The following TENM4 variants were observed in gnomAD, a reference collection of about 807,000 sequenced individuals.
TENM4 encodes the protein teneurin-4.
A neutral mutation model predicts 243.3 loss-of-function variants in TENM4; 82 were observed. The ratio of observed to expected loss-of-function variants is 0.34; its 90% confidence interval spans 0.28 to 0.40. TENM4 has a LOEUF of 0.40. Ranked by LOEUF, TENM4 falls within the 10% of genes least tolerant of loss-of-function variation. The pLI is 1.00. For synonymous variants in TENM4, 1,412 were observed against 1,456.3 expected (o/e 0.97, Z 0.69); for missense variants, 3,138 against 3,673.3 (o/e 0.85, Z 3.77).
intron 6 of TENM4, among the ~76,000 whole-genome samples, chr11:79,062,519 A>C (rs1860128914): frequency 6.6e-6 from 1 of 152,234 alleles, no homozygotes; most frequent in Non-Finnish European, 1.5e-5. Context: ...ATTAGCATGC[A>C]CATTAACATC....
In TENM4 at chr11:78,669,649, T is replaced by G. The variant is rs1565323442; in HGVS notation, c.6696A>C (p.Ala2232=). 1.2e-6 allele frequency: 2 copies of G among 1,613,984 alleles called. No individual in the cohort carries two copies. The highest frequency in any genetic ancestry group is 1.3e-5 in the African/African-American group (1 of 75,018). The part of the protein sequence containing the change: ...NLHLLSPGNS[A]RLTPLRYDIR... ...TGTCATACCGTAGTGGTGTGAGCCG[T>G]GCACTGTTCCCAGGGCTCAGTAAGT... Residue 2232 remains alanine, a synonymous_variant, in exon 32 of 34, where the codon GCA becomes GCC. Coordinates refer to ENST00000278550, the MANE Select transcript of TENM4 (RefSeq NM_001098816.3). The surrounding 1 kb of genome is among the most constrained non-coding windows in gnomAD (Gnocchi z 6.4).
intron 1 of TENM4, among the ~76,000 whole-genome samples, chr11:79,431,121 C>T (rs1859159703): frequency 6.6e-6 from 1 of 152,126 alleles, no homozygotes; most frequent in Non-Finnish European, 1.5e-5. Flanking sequence ...TTCCCCAAAC[C>T]ATCAAAAATT....
chr11:79,006,186 T>C (rs1398070611), intron 6 of TENM4, among the ~76,000 whole-genome samples: 1 of 152,144 alleles, frequency 6.6e-6, no homozygotes. Flanking sequence ...CACTTCTCTT[T>C]TCCCCTCCCT....
At chr11:78,891,949 C>T (rs555966177) in intron 7 of TENM4, among the ~76,000 whole-genome samples, 1 of 152,282 alleles carries the variant, frequency 6.6e-6, no homozygotes, top group East Asian at 1.9e-4. Context: ...TGCTGAGGCC[C>T]ATCCCTAGGG....
At chr11:79,406,022 A>C (rs1189261342) in intron 1 of TENM4, among the ~76,000 whole-genome samples, 1 of 152,096 alleles carries the variant, frequency 6.6e-6, no homozygotes, top group Non-Finnish European at 1.5e-5. Context: ...TCCAGGTTGG[A>C]GTGGGGGCTC....
chr11:79,276,099 G>A (rs1359197269), intron 2 of TENM4, among the ~76,000 whole-genome samples: 1 of 152,110 alleles, frequency 6.6e-6, no homozygotes, highest in Non-Finnish European at 1.5e-5. Flanking sequence ...TTAAGGGCAG[G>A]AAAATCAAGA....
intron 1 of TENM4, among the ~76,000 whole-genome samples, chr11:79,336,038 T>G (rs189133607): frequency 3.0e-5 from 4 of 135,124 alleles, no homozygotes; most frequent in Non-Finnish European, 4.9e-5. Flanking sequence ...TTATCACTGT[T>G]TATAGATGAG....
intron 29 of TENM4, among the ~76,000 whole-genome samples, chr11:78,676,848 T>C (rs1041143507): frequency 6.6e-6 from 1 of 152,212 alleles, no homozygotes; most frequent in Non-Finnish European, 1.5e-5. Context: ...CTGTATATAT[T>C]TAGTTTAAAC....
intron 20 of TENM4, among the ~76,000 whole-genome samples, chr11:78,734,499 A>T (rs1263438089): frequency 2.7e-5 from 4 of 146,046 alleles, no homozygotes; most frequent in Non-Finnish European, 6.0e-5. Context: ...TTTTAAATTG[A>T]GTGTGGGTCC....
At chr11:79,097,932 A>T (rs1861124663) in intron 4 of TENM4, 1 of 152,192 alleles carries the variant, frequency 6.6e-6, no homozygotes. Flanking sequence ...GACCACCAGC[A>T]AATAAAACAT....
intron 17 of TENM4, among the ~76,000 whole-genome samples, chr11:78,775,934 T>C (rs563553167): frequency 6.6e-6 from 1 of 152,358 alleles, no homozygotes; most frequent in South Asian, 2.1e-4. Context: ...ATTAGAAGAC[T>C]TTCAGAATCC....
chr11:78,830,701 A>T (rs535529799), intron 12 of TENM4, among the ~76,000 whole-genome samples: 24 of 152,296 alleles, frequency 1.6e-4, no homozygotes, highest in African/African-American at 5.5e-4. Context: ...GGCTGAGTGT[A>T]ACCTCGCTTT....
At chr11:78,962,691 C>T (rs1857356399) in intron 6 of TENM4, among the ~76,000 whole-genome samples, 1 of 152,260 alleles carries the variant, frequency 6.6e-6, no homozygotes, top group Non-Finnish European at 1.5e-5. Context: ...TATCAAACAG[C>T]TGCCCCTCTC....
intron 6 of TENM4, among the ~76,000 whole-genome samples, chr11:78,953,757 G>A (rs1857153836): frequency 6.6e-6 from 1 of 152,188 alleles, no homozygotes; most frequent in South Asian, 2.1e-4. Context: ...ATCAGGGCTT[G>A]AGCATCTAGA....
chr11:79,164,066 T>TATATA (rs1565230786), intron 3 of TENM4, among the ~76,000 whole-genome samples: 6 of 23,004 alleles, frequency 2.6e-4, no homozygotes, highest in African/African-American at 6.6e-4. Context: ...GTATATATAG[T>TATATA]GTATATATAC....
chr11:78,672,095 C>A lies in TENM4; in HGVS notation c.5731G>T (p.Gly1911Cys). ...MSERMEYDQA[G>C]RITSRIFADG... ...GCGAAGATCCTGGATGTGATGCGGC[C>A]CGCCTGGTCGTATTCCATTCTTTCA... The change falls in exon 31 of 34, where the codon GGC becomes TGC. Residue 1911 changes from glycine to cysteine, a missense_variant. Physicochemically the swap from Gly to Cys is radical, Grantham distance 159 (BLOSUM62 -3). Coordinates refer to ENST00000278550, the MANE Select transcript of TENM4 (RefSeq NM_001098816.3). 6.2e-7 allele frequency: 1 copy of A among 1,614,032 alleles called. No individual in the cohort carries two copies. The highest frequency in any genetic ancestry group is 1.1e-5 in the South Asian group (1 of 91,072).
chr11:79,322,225 CT>C (rs1303778669), intron 1 of TENM4, among the ~76,000 whole-genome samples: 1 of 152,194 alleles, frequency 6.6e-6, no homozygotes, highest in Non-Finnish European at 1.5e-5. Flanking sequence ...CAAGTGACAC[CT>C]GACTCAGGAA....
intron 18 of TENM4, among the ~76,000 whole-genome samples, chr11:78,761,365 G>A (rs1051078645): frequency 5.9e-5 from 9 of 151,810 alleles, no homozygotes; most frequent in African/African-American, 1.7e-4. Flanking sequence ...TCAGCCTCCC[G>A]TGTAGCTGGG....
intron 6 of TENM4, among the ~76,000 whole-genome samples, chr11:78,990,063 TAA>T (rs780530657): frequency 1.2e-4 from 17 of 138,802 alleles, no homozygotes; most frequent in Admixed American, 2.9e-4. Context: ...AGGCTTTGTT[TAA>T]AAAAAAAAAA....
Sources: allele counts gnomAD v4.1 joint callset (sites outside exome capture counted in the v4.1 genomes callset), GRCh38; gene constraint gnomAD v4.1.1; non-coding constraint Gnocchi (gnomAD v3.1); transcripts MANE v1.5; gene names NCBI Gene and HGNC (gene_info 2026-07-23, HGNC 2026-07-21).